The following CDK5RAP2 variants were observed in gnomAD, a reference collection of about 807,000 sequenced individuals.
The protein encoded by CDK5RAP2 is CDK5 regulatory subunit-associated protein 2.
Under a neutral mutation model 232.9 loss-of-function variants are expected in CDK5RAP2, and 147 were observed. That is an observed-to-expected ratio of 0.63 (90% CI 0.55 to 0.72). CDK5RAP2 has a LOEUF of 0.72. Among genes scored for constraint, CDK5RAP2 ranks in the 30% least tolerant of loss-of-function variants. CDK5RAP2 has a pLI of 0.00. For synonymous variants in CDK5RAP2, 833 were observed against 833.7 expected (o/e 1.00, Z 0.01); for missense variants, 2,195 against 2,231.5 (o/e 0.98, Z 0.33).
At chr9:120,570,554 G>A (rs1282093592) in intron 2 of CDK5RAP2, among the ~76,000 whole-genome samples, 1 of 152,138 alleles carries the variant, frequency 6.6e-6, no homozygotes, top group Non-Finnish European at 1.5e-5. Context: ...TTAAGAAATA[G>A]GCTGGCCAGG....
chr9:120,577,861 A>G (rs1193922793), intron 1 of CDK5RAP2, among the ~76,000 whole-genome samples: 3 of 152,234 alleles, frequency 2.0e-5, no homozygotes, highest in African/African-American at 4.8e-5. Flanking sequence ...CTGGCCAAAA[A>G]GCACTGAAAT....
At chr9:120,411,764 G>A (rs116751828) in intron 28 of CDK5RAP2, among the ~76,000 whole-genome samples, 25 of 152,234 alleles carry the variant, frequency 1.6e-4, no homozygotes, top group African/African-American at 6.0e-4. Flanking sequence ...CTTTCCCGAG[G>A]TCAAAATTCA....
intron 21 of CDK5RAP2, among the ~76,000 whole-genome samples, chr9:120,450,727 C>T (rs1419868361): frequency 6.6e-6 from 1 of 152,130 alleles, no homozygotes; most frequent in Non-Finnish European, 1.5e-5. Context: ...TCTGCATTCC[C>T]AGAACTCACA....
chr9:120,557,029 C>A (rs1367715845), intron 3 of CDK5RAP2, among the ~76,000 whole-genome samples: 2 of 152,182 alleles, frequency 1.3e-5, no homozygotes, highest in African/African-American at 4.8e-5. Context: ...TAGAATGCCC[C>A]CATTGTACAC....
At chr9:120,546,602 T>C (rs996651430) in intron 4 of CDK5RAP2, among the ~76,000 whole-genome samples, 2 of 152,202 alleles carry the variant, frequency 1.3e-5, no homozygotes, top group African/African-American at 2.4e-5. Flanking sequence ...CTACAATTTA[T>C]TGGAAATCTC....
intron 18 of CDK5RAP2, among the ~76,000 whole-genome samples, chr9:120,462,151 C>A (rs752895770): frequency 6.6e-6 from 1 of 152,174 alleles, no homozygotes; most frequent in African/African-American, 2.4e-5. Context: ...CAGGATCAAA[C>A]AGAAGTGATG....
chr9:120,426,322 A>G (rs1414504531), intron 25 of CDK5RAP2, among the ~76,000 whole-genome samples: 2 of 152,192 alleles, frequency 1.3e-5, no homozygotes, highest in East Asian at 3.8e-4. Flanking sequence ...ACTGGGTTAC[A>G]GCTTGGTTTT....
intron 35 of CDK5RAP2, among the ~76,000 whole-genome samples, chr9:120,399,970 GATA>G (rs1357045300): frequency 3.3e-5 from 5 of 152,192 alleles, no homozygotes; most frequent in African/African-American, 9.7e-5. Context: ...AACTAAATGA[GATA>G]ATGACAAAAA....
intron 26 of CDK5RAP2, among the ~76,000 whole-genome samples, chr9:120,421,839 T>C (rs2034584470): frequency 6.6e-6 from 1 of 152,230 alleles, no homozygotes; most frequent in African/African-American, 2.4e-5. Flanking sequence ...GAAGAGGACA[T>C]GCATTGGATG....
intron 23 of CDK5RAP2, 106 bp downstream of exon 23, chr9:120,443,514 G>C (rs2131350366): frequency 8.0e-7 from 1 of 1,247,278 alleles, no homozygotes; most frequent in African/African-American, 1.5e-5. Context: ...TGATAATAAT[G>C]CCCTGAGAGG....
chr9:120,409,155 C>T lies in CDK5RAP2; in HGVS notation c.4576G>A (p.Val1526Ile). 1 of 1,612,738 alleles carries T rather than the reference C, an allele frequency of 6.2e-7. No homozygotes were observed. Among genetic ancestry groups the T allele is most frequent in the South Asian group, 1.1e-5 (1 of 91,026 alleles). ...ERHNQQLIQE[V>I]RCSGQELSRV... ...CTCAGCTCCTGGCCGCTGCAGCGGA[C>T]CTCCTGGATCAGCTGCTGGTTGTGT... The change falls in exon 30 of 38, where the codon GTC (valine) becomes ATC (isoleucine). Residue 1526 changes from valine (V) to isoleucine (I), a missense_variant. Physicochemically the swap from Val to Ile is conservative, Grantham distance 29. Coordinates refer to ENST00000349780, the MANE Select transcript of CDK5RAP2 (RefSeq NM_018249.6).
chr9:120,464,981 T>C (rs1457953991), intron 18 of CDK5RAP2, among the ~76,000 whole-genome samples: 1 of 152,224 alleles, frequency 6.6e-6, no homozygotes, highest in African/African-American at 2.4e-5. Flanking sequence ...ACCATTTCTG[T>C]CCTTTAGAGT....
chr9:120,562,221 T>C (rs535093864), intron 3 of CDK5RAP2, among the ~76,000 whole-genome samples: 2 of 152,292 alleles, frequency 1.3e-5, no homozygotes, highest in East Asian at 3.9e-4. Flanking sequence ...TCAAGAGTAA[T>C]TTTATATTTA....
intron 15 of CDK5RAP2, among the ~76,000 whole-genome samples, chr9:120,474,269 A>G (rs892150487): frequency 1.3e-5 from 2 of 152,152 alleles, no homozygotes; most frequent in East Asian, 3.8e-4. Flanking sequence ...ACAGAAGACA[A>G]TATTTATGAG....
intron 21 of CDK5RAP2, among the ~76,000 whole-genome samples, chr9:120,449,932 C>A (rs1300943522): frequency 1.3e-5 from 2 of 152,190 alleles, no homozygotes; most frequent in Non-Finnish European, 2.9e-5. Flanking sequence ...AAAGAGGGTA[C>A]AGGCACTTTA....
At chr9:120,487,093 GTGCAGTGCA>G (rs2038651803) in intron 14 of CDK5RAP2, among the ~76,000 whole-genome samples, 192 bp downstream of exon 14, 1 of 152,150 alleles carries the variant, frequency 6.6e-6, no homozygotes, top group Non-Finnish European at 1.5e-5. Flanking sequence ...TCAGTTTCGT[GTGCAGTGCA>G]AAGACTAATA....
intron 12 of CDK5RAP2, among the ~76,000 whole-genome samples, chr9:120,496,479 G>T (rs2039249649): frequency 1.5e-5 from 2 of 134,390 alleles, no homozygotes; most frequent in Non-Finnish European, 1.6e-5. Context: ...GAGCCCCTCT[G>T]CCCGGCCAGC....
Position 120,388,986 on chromosome 9 carries a change from G to C in CDK5RAP2, c.*250C>G, listed in dbSNP as rs1302393807. The C allele has an allele frequency of 1.2e-5, 7 of 580,774 alleles. No individual in the cohort carries two copies. Among genetic ancestry groups the C allele is most frequent in the Non-Finnish European group, 2.1e-5 (7 of 327,946 alleles). The allele number at this position is 580,774 out of a possible 1,614,324, so 36.0% of individuals were successfully genotyped here. A position where few individuals can be genotyped will look rare whatever the true frequency, so the allele number is the denominator to read the frequency against. The stretch of plus-strand genomic sequence containing the variant: ...ACCAAGGCGCACAGCCTCAACTCCG[G>C]TGCCTGCCCCTGATCTGAAATACAA... On this transcript the variant is annotated 3_prime_UTR_variant, in exon 38 of 38. Coordinates refer to ENST00000349780, the MANE Select transcript of CDK5RAP2 (RefSeq NM_018249.6).
At chr9:120,507,184 T>A (rs1236091692) in intron 12 of CDK5RAP2, among the ~76,000 whole-genome samples, 6 of 152,232 alleles carry the variant, frequency 3.9e-5, no homozygotes, top group Non-Finnish European at 7.3e-5. Flanking sequence ...GTATGTATGT[T>A]GTTATTTTAG....
Sources: gnomAD v4.1 joint callset for allele counts (sites outside exome capture counted in the v4.1 genomes callset) on GRCh38, gnomAD v4.1.1 for gene constraint, MANE v1.5 for transcripts, NCBI Gene and HGNC (gene_info 2026-07-23, HGNC 2026-07-21) for gene names.